LRRIQ3: variants seen among roughly 807,000 people sequenced by gnomAD.
LRRIQ3 encodes the protein leucine rich repeats and IQ motif containing 3.
In LRRIQ3, 75 loss-of-function variants were observed where a neutral mutation model predicts 59.3. That is an observed-to-expected ratio of 1.26 (90% CI 1.05 to 1.53). The LOEUF is 1.53. LRRIQ3 is among the 40% of genes most tolerant of loss of function. The pLI is 0.00. For synonymous variants in LRRIQ3, 250 were observed against 231.3 expected, an observed-to-expected ratio of 1.08 and a Z score of -0.73; for missense variants, 831 against 710.0, an observed-to-expected ratio of 1.17 and a Z score of -1.94.
chr1:74,026,781 A>G lies in LRRIQ3; in HGVS notation c.*32T>C, dbSNP rs376716801. ...CAACTAAAAATAATGACTATAATTT[A>G]AGATGATCATAGGATGTGATCTGGC... On this transcript the variant is annotated 3_prime_UTR_variant, in exon 8 of 8. Transcript: ENST00000354431. 5.8e-6 allele frequency: 9 copies of G among 1,541,226 alleles called. No homozygotes were observed. Among genetic ancestry groups the G allele is most frequent in the Non-Finnish European group, 7.9e-6 (9 of 1,137,680 alleles).
At chr1:74,056,106 C>T (rs1000727385) in intron 6 of LRRIQ3, among the ~76,000 whole-genome samples, 1 of 151,180 alleles carries the variant, frequency 6.6e-6, no homozygotes, top group African/African-American at 2.4e-5. Context: ...GATCATGCCA[C>T]TGCACTCCAG....
intron 4 of LRRIQ3, among the ~76,000 whole-genome samples, chr1:74,149,912 G>A (rs1647815350): frequency 6.6e-6 from 1 of 152,122 alleles, no homozygotes; most frequent in Non-Finnish European, 1.5e-5. Flanking sequence ...ATTTCATACA[G>A]GTGACAAAGT....
chr1:74,151,702 C>T (rs1647984990), intron 4 of LRRIQ3, among the ~76,000 whole-genome samples: 1 of 151,972 alleles, frequency 6.6e-6, no homozygotes, highest in Admixed American at 6.6e-5. Flanking sequence ...ACTAACCAGC[C>T]AAAACTCTCT....
intron 3 of LRRIQ3, among the ~76,000 whole-genome samples, chr1:74,179,514 T>A (rs1649851204): frequency 1.3e-5 from 2 of 151,990 alleles, no homozygotes; most frequent in African/African-American, 4.8e-5. Flanking sequence ...TATTTTTCTG[T>A]TTTCATAATA....
At chr1:74,050,627 A>T in intron 6 of LRRIQ3, 1 of 972,736 alleles carries the variant, frequency 1.0e-6, no homozygotes, top group Non-Finnish European at 1.2e-6. Context: ...TGTGATTTGA[A>T]TGCTCACAAG....
At position 74,183,478 on chromosome 1, in the gene LRRIQ3, T is replaced by C. The variant is rs1650139613; in HGVS notation, c.207A>G (p.Gln69=). ...CAAGTTTGATTAATTTTATACAACT[T>C]TGAAGTGGATGAATATCTGTAATAA... The part of the protein sequence containing the change: ...NNFITDIHPL[Q]SCIKLIKLDL... Residue 69 remains glutamine, a synonymous_variant, in exon 2 of 8, where the codon CAA becomes CAG. Coordinates refer to ENST00000354431, the MANE Select transcript of LRRIQ3 (RefSeq NM_001105659.2). The C allele has an allele frequency of 1.2e-6, 2 of 1,607,360 alleles. No homozygotes were observed. The highest frequency in any genetic ancestry group is 4.5e-5 in the East Asian group (2 of 44,514).
intron 6 of LRRIQ3, among the ~76,000 whole-genome samples, chr1:74,049,062 AG>A (rs1654286379): frequency 6.6e-6 from 1 of 152,138 alleles, no homozygotes; most frequent in African/African-American, 2.4e-5. Flanking sequence ...AGATGAGAAA[AG>A]ATAAGTAAGA....
chr1:74,145,756 CTCT>C (rs956375561), intron 4 of LRRIQ3, among the ~76,000 whole-genome samples: 29 of 151,936 alleles, frequency 1.9e-4, no homozygotes, highest in African/African-American at 7.0e-4. Flanking sequence ...GTAGTATTTT[CTCT>C]TCTTTTTATC....
At chr1:74,161,167 G>A (rs1483794797) in intron 3 of LRRIQ3, among the ~76,000 whole-genome samples, 1 of 151,956 alleles carries the variant, frequency 6.6e-6, no homozygotes, top group Non-Finnish European at 1.5e-5. Context: ...TAATGGAAAG[G>A]GGACGGATCT....
intron 6 of LRRIQ3, among the ~76,000 whole-genome samples, chr1:74,063,701 C>T (rs1654792858): frequency 1.3e-5 from 2 of 151,918 alleles, no homozygotes; most frequent in Admixed American, 1.3e-4. Context: ...GACATTAATA[C>T]AGTCCCTCCA....
intron 6 of LRRIQ3, among the ~76,000 whole-genome samples, chr1:74,067,495 T>C (rs1654899747): frequency 6.6e-6 from 1 of 152,162 alleles, no homozygotes; most frequent in East Asian, 1.9e-4. Flanking sequence ...AGAAATCAAG[T>C]GTATATTTAA....
intron 5 of LRRIQ3, among the ~76,000 whole-genome samples, chr1:74,085,061 A>G (rs1646311975): frequency 6.6e-6 from 1 of 151,770 alleles, no homozygotes; most frequent in African/African-American, 2.4e-5. Flanking sequence ...ATTTTCTTTC[A>G]ATGATTCCCT....
intron 4 of LRRIQ3, among the ~76,000 whole-genome samples, chr1:74,116,490 T>C (rs1430010277): frequency 2.6e-5 from 4 of 151,968 alleles, no homozygotes; most frequent in African/African-American, 9.7e-5. Context: ...AGAAAAAAAA[T>C]TGAGATTTCT....
chr1:74,131,780 G>C (rs1296060715), intron 4 of LRRIQ3, among the ~76,000 whole-genome samples: 2 of 152,076 alleles, frequency 1.3e-5, no homozygotes, highest in Non-Finnish European at 2.9e-5. Context: ...ATACTGAATG[G>C]GCAAAAACTG....
At chr1:74,070,274 C>A (rs972472560) in intron 6 of LRRIQ3, among the ~76,000 whole-genome samples, 1 of 152,042 alleles carries the variant, frequency 6.6e-6, no homozygotes, top group African/African-American at 2.4e-5. Flanking sequence ...GGTACATACA[C>A]AAGATGGAAT....
At chr1:74,094,581 C>T (rs1279503114) in intron 5 of LRRIQ3, among the ~76,000 whole-genome samples, 1 of 152,056 alleles carries the variant, frequency 6.6e-6, no homozygotes, top group Non-Finnish European at 1.5e-5. Flanking sequence ...TTTTAGTCTT[C>T]TGGAACTATA....
At chr1:74,090,325 A>AT (rs1427370598) in intron 5 of LRRIQ3, among the ~76,000 whole-genome samples, 2 of 66,028 alleles carry the variant, frequency 3.0e-5, no homozygotes, top group Non-Finnish European at 8.6e-5. Flanking sequence ...TCTACAAAAT[A>AT]GTTTTTTTTT....
chr1:74,069,601 G>C (rs1188160236), intron 6 of LRRIQ3, among the ~76,000 whole-genome samples: 1 of 151,808 alleles, frequency 6.6e-6, no homozygotes, highest in Non-Finnish European at 1.5e-5. Flanking sequence ...AATAAAACAA[G>C]AATTTTGGAT....
chr1:74,137,503 A>G (rs1342318349), intron 4 of LRRIQ3, among the ~76,000 whole-genome samples: 1 of 152,046 alleles, frequency 6.6e-6, no homozygotes, highest in Admixed American at 6.6e-5. Flanking sequence ...TGGGAGTGTA[A>G]ATTAGTTCAA....
Sources: allele counts gnomAD v4.1 joint callset (sites outside exome capture counted in the v4.1 genomes callset), GRCh38; gene constraint gnomAD v4.1.1; transcripts MANE v1.5; gene names NCBI Gene and HGNC (gene_info 2026-07-23, HGNC 2026-07-21).